TMEM231: variants seen among roughly 807,000 people sequenced by gnomAD.
The protein encoded by TMEM231 is transmembrane protein 231.
A neutral mutation model predicts 38.5 loss-of-function variants in TMEM231; 40 were observed. That is an observed-to-expected ratio of 1.04 (90% confidence interval 0.81 to 1.35). TMEM231 has a LOEUF of 1.35. TMEM231 is among the 40% of genes most tolerant of loss of function. The pLI is 0.00. For missense variants in TMEM231, 420 were observed against 416.9 expected (o/e 1.01, Z -0.07); for synonymous variants, 199 against 181.7 (o/e 1.10, Z -0.77).
Position 75,539,652 on chromosome 16 carries a change from A to G in TMEM231, c.*342T>C, listed in dbSNP as rs1247069914. On this transcript the variant is annotated 3_prime_UTR_variant, in exon 7 of 7. Transcript: ENST00000258173. ...AGTGTGTTCCTCAGTTCAACAGAGG[A>G]AAAGTCTCTGCTTGACCAGAGATGG... The G allele has an allele frequency of 1.0e-5, 2 of 191,836 alleles. No homozygotes were observed. The highest frequency in any genetic ancestry group is 1.6e-4 in the South Asian group (1 of 6,194). 11.9% of individuals were successfully genotyped at this position (191,836 alleles called of 1,614,324 possible).
chr16:75,544,949 CTTTTTTTTT>C (rs71134720), intron 4 of TMEM231, among the ~76,000 whole-genome samples: 1,432 of 89,600 alleles, frequency 0.016, 21 homozygotes, highest in African/African-American at 0.051. Flanking sequence ...TTTTCTTTTT[CTTTTTTTTT>C]TTTTTTTTTT....
rs1448302846 is a variant in TMEM231, at chr16:75,556,032, C to G, written c.139+39G>C. On this transcript the variant is annotated intron_variant, in intron 1 of 6. Transcript: ENST00000258173. ...GGAGGCCGGCCCTGGCCGAGCGCGC[C>G]CGGGGAGCCTCGTGGCACAGCGGCC... 4 of 1,567,742 alleles carry G rather than the reference C, an allele frequency of 2.6e-6. No homozygotes were observed. Among genetic ancestry groups the G allele is most frequent in the Non-Finnish European group, 3.5e-6 (4 of 1,156,714 alleles).
intron 2 of TMEM231, chr16:75,555,517 C>G: frequency 2.5e-6 from 1 of 392,888 alleles, no homozygotes; most frequent in Non-Finnish European, 4.5e-6. Flanking sequence ...GGGTGTGACC[C>G]GGGCAGACAC....
At chr16:75,553,711 T>C (rs1043848635) in intron 2 of TMEM231, among the ~76,000 whole-genome samples, 1 of 151,976 alleles carries the variant, frequency 6.6e-6, no homozygotes, top group Non-Finnish European at 1.5e-5. Flanking sequence ...TTTTGAAATG[T>C]GGGGTCTTGC....
chr16:75,551,789 C>A (rs2080764794), intron 2 of TMEM231, among the ~76,000 whole-genome samples: 1 of 150,876 alleles, frequency 6.6e-6, no homozygotes, highest in African/African-American at 2.4e-5. Context: ...TGATGAAATC[C>A]CGTCTCTACT....
rs746449511 is a variant in TMEM231, at chr16:75,540,111, A to G, written c.834T>C (p.Leu278=). 8.7e-6 allele frequency: 14 copies of G among 1,613,780 alleles called. No homozygotes were observed. The African/African-American group carries it at 1.1e-4, about 12-fold the overall frequency. ...FAWVQYVSIL[L]IFLWVFERIK... is the part of the protein sequence containing the mutation. ...TTCTTTCAAACACCCAGAGGAAGAT[A>G]AGCAGGATGCTGACATACTGCACCC... The change falls in exon 7 of 7, where the codon CTT becomes CTC. Residue 278 remains leucine, a synonymous_variant. Transcript: ENST00000258173.
At chr16:75,554,841 A>C (rs1009621716) in intron 2 of TMEM231, 1 of 152,220 alleles carries the variant, frequency 6.6e-6, no homozygotes, top group Non-Finnish European at 1.5e-5. Context: ...GTTTTTTGTC[A>C]TTACTTTTAA....
rs151322678 is a variant in TMEM231 at position 75,554,459 on chromosome 16, T to C, written c.309+1345A>G. On this transcript the variant is annotated intron_variant, in intron 2 of 6. Coordinates refer to ENST00000258173, the MANE Select transcript of TMEM231 (RefSeq NM_001077418.3). Reference sequence around the variant, plus strand: ...TACTCGGGAGGCTAAGGCACGAGAATTGCTTGAACCCAGGAGGCAGAGTTG... The same window carrying C: ...TACTCGGGAGGCTAAGGCACGAGAACTGCTTGAACCCAGGAGGCAGAGTTG... 4.3e-3 allele frequency among the ~76,000 whole-genome samples: 645 copies of C among 149,976 alleles called. 6 individuals carry two copies. The highest frequency in any genetic ancestry group is 0.015 in the African/African-American group (613 of 40,528).
At chr16:75,553,705 G>GAA (rs1295493699) in intron 2 of TMEM231, among the ~76,000 whole-genome samples, 1 of 146,690 alleles carries the variant, frequency 6.8e-6, no homozygotes, top group Non-Finnish European at 1.5e-5. Flanking sequence ...TTATTTTTTT[G>GAA]AAATGTGGGG....
At chr16:75,549,716 GT>G (rs375149416) in intron 2 of TMEM231, among the ~76,000 whole-genome samples, 8 of 148,396 alleles carry the variant, frequency 5.4e-5, no homozygotes, top group Admixed American at 1.3e-4. Flanking sequence ...GAATTTTTTT[GT>G]TTTTTTTTTG....
rs78196225 is a variant in TMEM231 at position 75,555,936 on chromosome 16, C to G, written c.177G>C (p.Pro59=). ...GCACCTGGTGTTGGAAGCGCACGGTCGGCTGCTCCTCGTAGCTGCTCCGCT... is the reference window on the plus strand; with the variant it reads ...GCACCTGGTGTTGGAAGCGCACGGTGGGCTGCTCCTCGTAGCTGCTCCGCT... ...WLKRSSYEEQ[P]TVRFQHQVLL... Residue 59 remains proline (P), a synonymous_variant, in exon 2 of 7, where the codon CCG becomes CCC. Transcript: ENST00000258173. 2.3e-3 allele frequency: 3,653 copies of G among 1,604,596 alleles called. 87 individuals carry two copies. The African/African-American group carries it at 0.041, about 18-fold the overall frequency.
intron 4 of TMEM231, among the ~76,000 whole-genome samples, chr16:75,544,790 A>C (rs1014133152): frequency 6.6e-6 from 1 of 152,156 alleles, no homozygotes; most frequent in African/African-American, 2.4e-5. Context: ...TAAGCAATTT[A>C]GTTCTTCGAC....
intron 2 of TMEM231, among the ~76,000 whole-genome samples, chr16:75,552,044 C>T (rs1205623691): frequency 6.6e-6 from 1 of 151,394 alleles, no homozygotes; most frequent in African/African-American, 2.4e-5. Flanking sequence ...TTTACATCCT[C>T]ATCCTTTTGA....
At position 75,542,717 on chromosome 16, in the gene TMEM231, C is replaced by T. The variant is rs371502698; in HGVS notation, c.583-34G>A. 3,230 of 1,594,174 alleles carry T rather than the reference C, an allele frequency of 2.0e-3. 18 individuals carry two copies. The highest frequency in any genetic ancestry group is 1.6e-3 in the Non-Finnish European group (1,912 of 1,162,576). ...CGGGAGGAGGATGTGGTGTGAGCAC[C>T]TGGGAGACTCCTCCCCTTTTCCTTC... On this transcript the variant is annotated intron_variant, in intron 4 of 6. Coordinates refer to ENST00000258173, the MANE Select transcript of TMEM231 (RefSeq NM_001077418.3).
In TMEM231 at chr16:75,548,826, G is replaced by A. The variant is rs1034757909; in HGVS notation, c.310-2872C>T. Among the ~76,000 whole-genome samples the A allele has an allele frequency of 8.5e-5, 13 of 152,310 alleles. No individual in the cohort carries two copies. In the South Asian group the frequency reaches 1.2e-3, roughly 15 times the overall value. On this transcript the variant is annotated intron_variant, in intron 2 of 6. Transcript: ENST00000258173. ...GGAGGTTGCAGTGAGCCGAGATCGT[G>A]CCTCTGCACTCCAGCCTGGTGACAG...
intron 2 of TMEM231, among the ~76,000 whole-genome samples, chr16:75,546,722 C>T (rs948993349): frequency 3.9e-5 from 6 of 152,160 alleles, no homozygotes; most frequent in Admixed American, 6.5e-5. Flanking sequence ...GGATTATAGG[C>T]GTGAGCCACC....
chr16:75,545,953 G>T lies in TMEM231; in HGVS notation c.311C>A (p.Thr104Asn). The T allele has an allele frequency of 1.3e-6, 2 of 1,535,104 alleles. No homozygotes were observed. Among genetic ancestry groups the T allele is most frequent in the Non-Finnish European group, 8.8e-7 (1 of 1,140,278 alleles). The change falls in exon 3 of 7, where the codon ACT becomes AAT. Residue 104 changes from threonine (T) to asparagine (N), a missense_variant and splice_region_variant. Thr to Asn is a moderately conservative substitution (Grantham distance 65). Coordinates refer to ENST00000258173, the MANE Select transcript of TMEM231 (RefSeq NM_001077418.3). The stretch of plus-strand genomic sequence containing the variant: ...ATCCTGGTTCCTGTCTTCTTCTCTA[G>T]TCTAGGAAACCCAAACAGGCCCAGC... ...GDRLRVPLVS[T>N]REEDRNQDGK...
At chr16:75,550,379 GTTTCA>G (rs1364030974) in intron 2 of TMEM231, among the ~76,000 whole-genome samples, 1 of 152,156 alleles carries the variant, frequency 6.6e-6, no homozygotes, top group Non-Finnish European at 1.5e-5. Context: ...GTGGTGACTG[GTTTCA>G]TTTCTTTTTT....
chr16:75,552,869 C>A (rs564862073), intron 2 of TMEM231, among the ~76,000 whole-genome samples: 1 of 152,330 alleles, frequency 6.6e-6, no homozygotes, highest in South Asian at 2.1e-4. Flanking sequence ...ACTCTCCACT[C>A]ATCCTCTGGA....
Sources: gnomAD v4.1 joint callset for allele counts (sites outside exome capture counted in the v4.1 genomes callset) on GRCh38, gnomAD v4.1.1 for gene constraint, MANE v1.5 for transcripts, NCBI Gene and HGNC (gene_info 2026-07-23, HGNC 2026-07-21) for gene names.